The following SLC4A2 variants were observed in gnomAD, a reference collection of about 807,000 sequenced individuals.
SLC4A2 encodes the protein solute carrier family 4 member 2.
Under a neutral mutation model 115.0 loss-of-function variants are expected in SLC4A2, and 36 were observed. The ratio of observed to expected loss-of-function variants is 0.31; its 90% CI spans 0.24 to 0.41. The LOEUF (loss-of-function observed/expected upper bound fraction) is 0.41, where lower values mean the gene tolerates loss of function less well. SLC4A2 is among the 10% of genes least tolerant of loss of function. The pLI is 1.00. For missense variants in SLC4A2, 1,252 were observed against 1,705.6 expected (o/e 0.73, Z 4.68); for synonymous variants, 708 against 708.3 (o/e 1.00, Z 0.01).
intron 12 of SLC4A2, 80 bp downstream of exon 12, chr7:151,070,991 C>T: frequency 6.3e-7 from 1 of 1,590,488 alleles, no homozygotes; most frequent in Non-Finnish European, 8.6e-7. Context: ...TGCCTCCCAC[C>T]CACTGGCCTT....
Position 151,064,533 on chromosome 7 carries a change from C to T in SLC4A2, c.225C>T (p.Arg75=), listed in dbSNP as rs1312688995. The change falls in exon 4 of 23, where the codon CGC becomes CGT. Residue 75 remains arginine (R), a synonymous_variant. Coordinates refer to ENST00000413384, the MANE Select transcript of SLC4A2 (RefSeq NM_003040.4). Reference sequence around the variant, plus strand: ...TCCCCCTCCTCCCTGCAGACCACCGCCAGTCCTCCCACCACATCCATCACC... The same window carrying T: ...TCCCCCTCCTCCCTGCAGACCACCGTCAGTCCTCCCACCACATCCATCACC... ...SYGEEDFEYH[R]QSSHHIHHPL... is the part of the protein sequence containing the mutation. 4 of 1,610,296 alleles carry T rather than the reference C, an allele frequency of 2.5e-6. No individual in the cohort carries two copies. The highest frequency in any genetic ancestry group is 3.3e-5 in the Admixed American group (2 of 59,914).
At chr7:151,073,984 C>T (rs1363781762) in intron 16 of SLC4A2, 55 bp from the exon 17 acceptor site, 8 of 1,512,986 alleles carry the variant, frequency 5.3e-6, no homozygotes, top group Non-Finnish European at 6.2e-6. Context: ...CACTGAGCCC[C>T]AGGAATCTTT....
In SLC4A2 at chr7:151,071,175, A is replaced by T; in HGVS notation, c.1853A>T (p.Gln618Leu). Residue 618 changes from glutamine (Q) to leucine (L), a missense_variant, in exon 13 of 23, where the codon CAG (glutamine) becomes CTG (leucine). Around this residue, in one of 14 missense-constraint regions of SLC4A2, gnomAD observed 87 missense variants for 170.3 expected, o/e 0.51. Coordinates refer to ENST00000413384, the MANE Select transcript of SLC4A2 (RefSeq NM_003040.4). This position sits in a 1 kb window ranked among gnomAD's most constrained non-coding sequence, Gnocchi z 5.5. ...GTGGTGCTGCCGCCTTCAGAAGTGC[A>T]GGGCGAGGAGCTGCTGCGCTCTGTG... Reference protein sequence around the residue: ...CSVVLPPSEVQGEELLRSVAH... With the variant: ...CSVVLPPSEVLGEELLRSVAH... 6.2e-7 allele frequency: 1 copy of T among 1,611,442 alleles called. No homozygotes were observed. The highest frequency in any genetic ancestry group is 8.5e-7 in the Non-Finnish European group (1 of 1,179,286).
At chr7:151,068,712 G>A (rs1284352989) in intron 8 of SLC4A2, among the ~76,000 whole-genome samples, 1 of 151,758 alleles carries the variant, frequency 6.6e-6, no homozygotes, top group Admixed American at 6.6e-5. Flanking sequence ...TAGAGATGGG[G>A]TTTCACCATG....
intron 8 of SLC4A2, among the ~76,000 whole-genome samples, 174 bp downstream of exon 8, chr7:151,068,228 A>ATCC (rs1197578831): frequency 1.3e-5 from 2 of 152,248 alleles, no homozygotes; most frequent in Non-Finnish European, 2.9e-5. Flanking sequence ...ATATTCTCAG[A>ATCC]TAACAACTGA....
At position 151,071,545 on chromosome 7, in the gene SLC4A2, G is replaced by A. The variant is rs200122092; in HGVS notation, c.2131G>A (p.Ala711Thr). The change falls in exon 14 of 23, where the codon GCA becomes ACA. Residue 711 changes from alanine (A) to threonine (T), a missense_variant. Ala to Thr is a moderately conservative substitution (Grantham distance 58, BLOSUM62 0). Around this residue, in one of 14 missense-constraint regions of SLC4A2, gnomAD observed 118 missense variants for 203.3 expected, o/e 0.58. Coordinates refer to ENST00000413384, the MANE Select transcript of SLC4A2 (RefSeq NM_003040.4). This position sits in a 1 kb window ranked among gnomAD's most constrained non-coding sequence, Gnocchi z 5.5. ...RDALDPQCLA[A>T]VIFIYFAALS... ...TGCACTTGACCCTCAGTGCCTGGCC[G>A]CAGTCATCTTCATCTACTTTGCCGC... The A allele has an allele frequency of 7.9e-5, 128 of 1,613,886 alleles. 1 individual carries two copies. Among genetic ancestry groups the A allele is most frequent in the South Asian group, 1.6e-4 (15 of 91,074 alleles).
intron 2 of SLC4A2, 76 bp downstream of exon 2, chr7:151,062,114 G>A (rs2150365543): frequency 4.9e-6 from 6 of 1,230,254 alleles, no homozygotes; most frequent in South Asian, 1.3e-5. Flanking sequence ...AAGGGTCCTC[G>A]CCAACCAGGG....
chr7:151,062,843 C>T (rs905029334), intron 2 of SLC4A2: 5 of 1,380,022 alleles, frequency 3.6e-6, no homozygotes, highest in Admixed American at 6.9e-5. Flanking sequence ...CGCTCACCTT[C>T]TCTTATCCGG....
Position 151,070,917 on chromosome 7 carries a change from C to T in SLC4A2, c.1749+6C>T, listed in dbSNP as rs923430134. ...CCACCCTCATGTCAGACAAGGTCAG[C>T]TACCCTCCTCCTCTGGGCCCTGCTT... On this transcript the variant is annotated splice_donor_region_variant and intron_variant, in intron 12 of 22. Transcript: ENST00000413384. The T allele has an allele frequency of 5.0e-6, 8 of 1,611,572 alleles. No homozygotes were observed. In the African/African-American group the frequency reaches 1.1e-4, roughly 22 times the overall value.
intron 2 of SLC4A2, chr7:151,062,584 G>A: frequency 6.8e-7 from 1 of 1,473,168 alleles, no homozygotes; most frequent in Non-Finnish European, 8.9e-7. Context: ...CACGTGACTG[G>A]GAAGGGGCAC....
rs1797025405 is a variant in SLC4A2, at chr7:151,060,976, C to G, written c.-63-949C>G. On this transcript the variant is annotated intron_variant, in intron 1 of 22. Coordinates refer to ENST00000413384, the MANE Select transcript of SLC4A2 (RefSeq NM_003040.4). This position sits in a 1 kb window ranked among gnomAD's most constrained non-coding sequence, Gnocchi z 5.9. Reference sequence around the variant, plus strand: ...CTTGGGTGCCCCCTGTGCTGACCCGCTAGGAATGCGCCCCCTATTTGCAGG... The same window carrying G: ...CTTGGGTGCCCCCTGTGCTGACCCGGTAGGAATGCGCCCCCTATTTGCAGG... Among the ~76,000 whole-genome samples, 1 of 152,068 alleles carries G rather than the reference C, an allele frequency of 6.6e-6. No individual in the cohort carries two copies.
At chr7:151,074,646 C>G in intron 18 of SLC4A2, 29 bp from the exon 19 acceptor site, 1 of 1,584,614 alleles carries the variant, frequency 6.3e-7, no homozygotes, top group Non-Finnish European at 8.6e-7. Context: ...CACCTTAACC[C>G]TTGTCCCTAC....
At chr7:151,064,169 CTG>C (rs1353073808) in intron 2 of SLC4A2, 31 bp from the exon 3 acceptor site, 8 of 1,605,732 alleles carry the variant, frequency 5.0e-6, no homozygotes, top group East Asian at 2.2e-5. Flanking sequence ...CCAGTGAGCC[CTG>C]TGTGTTTTCT....
At chr7:151,067,830 C>T in intron 7 of SLC4A2, 44 bp from the exon 8 acceptor site, 5 of 1,580,430 alleles carry the variant, frequency 3.2e-6, no homozygotes, top group Non-Finnish European at 4.3e-6. Context: ...CCCAGGGCTG[C>T]CTCCGGCTCT....
rs763318290 is a variant in SLC4A2 at position 151,070,261 on chromosome 7, A to G, written c.1364A>G (p.His455Arg). The G allele has an allele frequency of 8.7e-6, 14 of 1,613,790 alleles. No homozygotes were observed. The East Asian group carries it at 1.3e-4, about 15-fold the overall frequency. Reference sequence around the variant, plus strand: ...CTGGGCTCCCTGCTGGGGCATCACCATGGTCAGGGGGCTGAGAGTGACCCC... The same window carrying G: ...CTGGGCTCCCTGCTGGGGCATCACCGTGGTCAGGGGGCTGAGAGTGACCCC... ...GSLGSLLGHH[H>R]GQGAESDPHV... Residue 455 changes from histidine (H) to arginine (R), a missense_variant, in exon 10 of 23, where the codon CAT becomes CGT. This residue lies in a region of SLC4A2 where 142 missense variants were observed against 153.5 expected (regional missense o/e 0.93). Transcript: ENST00000413384.
chr7:151,066,087 T>C (rs1797218385), intron 5 of SLC4A2, among the ~76,000 whole-genome samples: 1 of 152,138 alleles, frequency 6.6e-6, no homozygotes, highest in African/African-American at 2.4e-5. Flanking sequence ...GAGTCCCATG[T>C]CTAGGGATGT....
Position 151,060,714 on chromosome 7 carries a change from GC to G in SLC4A2, c.-64+953del, listed in dbSNP as rs1353797553. Among the ~76,000 whole-genome samples, 7 of 152,124 alleles carry G rather than the reference GC, an allele frequency of 4.6e-5. No individual in the cohort carries two copies. The highest frequency in any genetic ancestry group is 3.3e-4 in the Admixed American group (5 of 15,282). ...CCCTTCCCAGACTGGGTGCACTCAC[GC>G]TCACCCACACCACCCGCCCTGGCTG... On this transcript the variant is annotated intron_variant, in intron 1 of 22. Coordinates refer to ENST00000413384, the MANE Select transcript of SLC4A2 (RefSeq NM_003040.4). This position sits in a 1 kb window ranked among gnomAD's most constrained non-coding sequence, Gnocchi z 5.9.
At chr7:151,073,411 C>T (rs891198195) in intron 16 of SLC4A2, among the ~76,000 whole-genome samples, 6 of 151,914 alleles carry the variant, frequency 3.9e-5, no homozygotes, top group Admixed American at 6.6e-5. Context: ...CTCAGCCTCT[C>T]GAGTAGCTGG....
At chr7:151,073,705 C>CA (rs1797519561) in intron 16 of SLC4A2, among the ~76,000 whole-genome samples, 1 of 152,170 alleles carries the variant, frequency 6.6e-6, no homozygotes, top group South Asian at 2.1e-4. Context: ...CCAGAGGTGA[C>CA]AGTCAGTCTG....
Sources: gnomAD v4.1 joint callset for allele counts (sites outside exome capture counted in the v4.1 genomes callset) on GRCh38, gnomAD v4.1.1 for gene constraint, gnomAD v4.1.1 regional missense constraint, Gnocchi (gnomAD v3.1) non-coding constraint, MANE v1.5 for transcripts, NCBI Gene and HGNC (gene_info 2026-07-23, HGNC 2026-07-21) for gene names.